The following CCNYL1 variants were observed in gnomAD, a reference collection of about 807,000 sequenced individuals.
The protein encoded by CCNYL1 is cyclin-Y-like protein 1.
CCNYL1 carries 16 observed loss-of-function variants against 44.2 expected under a neutral mutation model. The ratio of observed to expected loss-of-function variants is 0.36; its 90% confidence interval spans 0.25 to 0.55. CCNYL1 has a LOEUF of 0.55. CCNYL1 is among the 20% of genes least tolerant of loss of function. The probability of loss-of-function intolerance (pLI) is 0.85; values close to 1 mark genes in which losing one functional copy is unlikely to be tolerated. For missense variants in CCNYL1, 348 were observed against 451.8 expected (o/e 0.77, Z 2.08); for synonymous variants, 159 against 163.2 (o/e 0.97, Z 0.20).
intron 5 of CCNYL1, among the ~76,000 whole-genome samples, chr2:207,739,641 A>G (rs1458097289): frequency 6.6e-6 from 1 of 152,240 alleles, no homozygotes. Context: ...TTTCCTTAAC[A>G]CAACTCTACC....
chr2:207,712,355 A>G (rs1013618089), intron 1 of CCNYL1, among the ~76,000 whole-genome samples: 4 of 152,056 alleles, frequency 2.6e-5, no homozygotes, highest in Non-Finnish European at 5.9e-5. Context: ...CATTCTCCCA[A>G]GCCGGCGTGG....
At chr2:207,731,121 T>C (rs893217166) in intron 3 of CCNYL1, among the ~76,000 whole-genome samples, 1 of 152,234 alleles carries the variant, frequency 6.6e-6, no homozygotes, top group Non-Finnish European at 1.5e-5. Context: ...TGGAGGTGTT[T>C]CATTAATGCA....
At chr2:207,742,421 A>G (rs564772215) in intron 7 of CCNYL1, 79 bp downstream of exon 7, 1 of 1,318,894 alleles carries the variant, frequency 7.6e-7, no homozygotes, top group East Asian at 2.4e-5. Flanking sequence ...TCAAATAAAA[A>G]TAGGTTCCTG....
chr2:207,733,612 A>C (rs1185519131), intron 3 of CCNYL1, among the ~76,000 whole-genome samples: 1 of 152,240 alleles, frequency 6.6e-6, no homozygotes, highest in Non-Finnish European at 1.5e-5. Context: ...AATAATAGAA[A>C]ATCTCAGCTG....
chr2:207,735,805 A>C (rs1475694645), intron 4 of CCNYL1, among the ~76,000 whole-genome samples: 1 of 152,030 alleles, frequency 6.6e-6, no homozygotes, highest in Non-Finnish European at 1.5e-5. Flanking sequence ...CGGAGGTTGC[A>C]GTGAGCCGAG....
intron 1 of CCNYL1, among the ~76,000 whole-genome samples, chr2:207,718,512 A>G (rs1168679169): frequency 6.6e-6 from 1 of 152,182 alleles, no homozygotes; most frequent in Non-Finnish European, 1.5e-5. Context: ...TCAAAAAAAA[A>G]AAAAGATCAG....
At chr2:207,721,607 G>A (rs1203713249) in intron 1 of CCNYL1, among the ~76,000 whole-genome samples, 2 of 151,926 alleles carry the variant, frequency 1.3e-5, no homozygotes, top group Non-Finnish European at 2.9e-5. Flanking sequence ...TCATGCTTTC[G>A]AATTAAGTTG....
chr2:207,724,643 C>G (rs2091666239), intron 1 of CCNYL1, among the ~76,000 whole-genome samples, 157 bp from the exon 2 acceptor site: 1 of 152,118 alleles, frequency 6.6e-6, no homozygotes, highest in South Asian at 2.1e-4. Flanking sequence ...TTTGCATTCC[C>G]CAGGAGTATT....
chr2:207,716,802 A>G (rs1256816804), intron 1 of CCNYL1, among the ~76,000 whole-genome samples: 1 of 152,132 alleles, frequency 6.6e-6, no homozygotes, highest in Non-Finnish European at 1.5e-5. Context: ...TGTAGTTAAG[A>G]TATTTTAGTA....
At chr2:207,742,173 A>G in intron 6 of CCNYL1, 50 bp from the exon 7 acceptor site, 1 of 1,535,778 alleles carries the variant, frequency 6.5e-7, no homozygotes, top group South Asian at 1.2e-5. Context: ...AAAAAAGCTT[A>G]AAATTTTTTT....
chr2:207,739,405 G>A (rs989413388), intron 5 of CCNYL1, among the ~76,000 whole-genome samples: 1 of 151,728 alleles, frequency 6.6e-6, no homozygotes, highest in Non-Finnish European at 1.5e-5. Context: ...GCTAATTTTT[G>A]TATTAGTAGA....
Position 207,742,403 on chromosome 2 carries a change from C to T in CCNYL1, c.639+61C>T, listed in dbSNP as rs560172236. On this transcript the variant is annotated intron_variant, in intron 7 of 9. Transcript: ENST00000295414. ...ATTAGTCTTGTACACAGGGTATGGTCCTATTTTTCAAATAAAAATAGGTTC... is the reference window on the plus strand; with the variant it reads ...ATTAGTCTTGTACACAGGGTATGGTTCTATTTTTCAAATAAAAATAGGTTC... The T allele has an allele frequency of 6.2e-5, 89 of 1,430,560 alleles. No homozygotes were observed. The African/African-American group carries it at 1.1e-3, about 18-fold the overall frequency. 88.6% of individuals were successfully genotyped at this position (1,430,560 alleles called of 1,614,324 possible).
At position 207,742,416 on chromosome 2, in the gene CCNYL1, T is replaced by G. The variant is rs186464054; in HGVS notation, c.639+74T>G. ...ACAGGGTATGGTCCTATTTTTCAAA[T>G]AAAAATAGGTTCCTGAAATTATCAT... On this transcript the variant is annotated intron_variant, in intron 7 of 9. Transcript: ENST00000295414. 33 of 1,321,506 alleles carry G rather than the reference T, an allele frequency of 2.5e-5. No homozygotes were observed. In the East Asian group the frequency reaches 7.2e-4, roughly 29 times the overall value. 81.9% of individuals were successfully genotyped at this position (1,321,506 alleles called of 1,614,324 possible).
At chr2:207,743,844 T>C (rs2091831343) in intron 7 of CCNYL1, among the ~76,000 whole-genome samples, 1 of 152,204 alleles carries the variant, frequency 6.6e-6, no homozygotes, top group Non-Finnish European at 1.5e-5. Flanking sequence ...TGTTTTGTTT[T>C]AATTTTTTAG....
intron 2 of CCNYL1, among the ~76,000 whole-genome samples, 178 bp from the exon 3 acceptor site, chr2:207,726,664 T>C (rs2091682363): frequency 6.6e-6 from 1 of 152,274 alleles, no homozygotes; most frequent in Non-Finnish European, 1.5e-5. Flanking sequence ...ACTAAGTTTT[T>C]AGATTTTATT....
intron 3 of CCNYL1, among the ~76,000 whole-genome samples, chr2:207,727,501 T>C (rs999573056): frequency 6.6e-6 from 1 of 152,212 alleles, no homozygotes; most frequent in Non-Finnish European, 1.5e-5. Flanking sequence ...TAGTAACCCT[T>C]GGCTGGTCTC....
intron 5 of CCNYL1, 86 bp downstream of exon 5, chr2:207,737,532 TCA>T: frequency 9.3e-7 from 1 of 1,077,490 alleles, no homozygotes; most frequent in African/African-American, 1.6e-5. Context: ...ACTATAGACA[TCA>T]TAAGCTATAG....
chr2:207,755,359 G>C lies in CCNYL1; in HGVS notation c.*1661G>C, dbSNP rs1005441048. 6.6e-6 allele frequency: 1 copy of C among 152,170 alleles called. No homozygotes were observed. The highest frequency in any genetic ancestry group is 1.5e-5 in the Non-Finnish European group (1 of 68,042). The allele number at this position is 152,170 out of a possible 1,614,324, so 9.4% of individuals were successfully genotyped here. On this transcript the variant is annotated 3_prime_UTR_variant, in exon 10 of 10. Transcript: ENST00000295414. Reference sequence around the variant, plus strand: ...CATGTCACTGCTCTCCAACCTGGGCGACATCCAGACCCTGTCTCAAAGAAA... The same window carrying C: ...CATGTCACTGCTCTCCAACCTGGGCCACATCCAGACCCTGTCTCAAAGAAA...
At chr2:207,735,242 T>C (rs1186625673) in intron 4 of CCNYL1, among the ~76,000 whole-genome samples, 1 of 152,248 alleles carries the variant, frequency 6.6e-6, no homozygotes, top group African/African-American at 2.4e-5. Context: ...ACTGGTTAAA[T>C]AAAGGTTTCA....
Sources: gnomAD v4.1 joint callset for allele counts (sites outside exome capture counted in the v4.1 genomes callset) on GRCh38, gnomAD v4.1.1 for gene constraint, MANE v1.5 for transcripts, NCBI Gene and HGNC (gene_info 2026-07-23, HGNC 2026-07-21) for gene names.